Variants in ZBTB46 observed in about 807,000 individuals in gnomAD.
ZBTB46 encodes the protein zinc finger and BTB domain-containing protein 46.
Under a neutral mutation model 44.1 loss-of-function variants are expected in ZBTB46, and 8 were observed. The observed-to-expected ratio is 0.18, with a 90% CI of 0.11 to 0.33. The LOEUF is 0.33. ZBTB46 is among the 10% of genes least tolerant of loss of function. The pLI is 1.00. For missense variants in ZBTB46, 651 were observed against 847.7 expected, an observed-to-expected ratio of 0.77 and a Z score of 2.88; for synonymous variants, 409 against 382.3, an observed-to-expected ratio of 1.07 and a Z score of -0.81.
At chr20:63,832,919 C>T (rs2092859309), upstream of ZBTB46, among the ~76,000 whole-genome samples, 1 of 151,888 alleles carries the variant, frequency 6.6e-6, no homozygotes. The surrounding 1 kb of genome is among the most constrained non-coding windows in gnomAD (Gnocchi z 5.0). Context: ...ACCCAGAGCC[C>T]AGTTGTACCC....
intron 2 of ZBTB46, among the ~76,000 whole-genome samples, chr20:63,782,205 G>GCCC: frequency 6.6e-6 from 1 of 151,434 alleles, no homozygotes; most frequent in African/African-American, 2.4e-5. Context: ...CAACCCCCGA[G>GCCC]CCGTGGTTTT....
At chr20:63,832,743 C>T (rs2092858500), upstream of ZBTB46, among the ~76,000 whole-genome samples, 1 of 151,796 alleles carries the variant, frequency 6.6e-6, no homozygotes, top group Non-Finnish European at 1.5e-5. The surrounding 1 kb of genome is among the most constrained non-coding windows in gnomAD (Gnocchi z 5.0). Context: ...CTCTCGGTGG[C>T]ACTGCCTGCT....
intron 3 of ZBTB46, among the ~76,000 whole-genome samples, chr20:63,753,311 G>A (rs2092188677): frequency 6.6e-6 from 1 of 152,210 alleles, no homozygotes; most frequent in African/African-American, 2.4e-5. Flanking sequence ...GAGTAATACG[G>A]ACCCAAAAGT....
chr20:63,763,028 T>C (rs1313296751), intron 3 of ZBTB46, among the ~76,000 whole-genome samples: 2 of 152,110 alleles, frequency 1.3e-5, no homozygotes, highest in African/African-American at 2.4e-5. Flanking sequence ...ACCCAGCTAA[T>C]TATTTAATTC....
chr20:63,794,855 C>T (rs1278387581), intron 1 of ZBTB46, among the ~76,000 whole-genome samples: 1 of 149,200 alleles, frequency 6.7e-6, no homozygotes, highest in Non-Finnish European at 1.5e-5. Flanking sequence ...GCTGCATCCA[C>T]AGGACACACA....
chr20:63,796,862 A>C (rs2092607918), intron 1 of ZBTB46, among the ~76,000 whole-genome samples: 1 of 151,672 alleles, frequency 6.6e-6, no homozygotes, highest in Non-Finnish European at 1.5e-5. Context: ...AATAAAATAA[A>C]ATTTTGCTTA....
intron 1 of ZBTB46, among the ~76,000 whole-genome samples, chr20:63,811,127 C>T (rs1253915244): frequency 6.6e-6 from 1 of 152,098 alleles, no homozygotes; most frequent in Non-Finnish European, 1.5e-5. Context: ...CCCCACCCCG[C>T]CCAGCCCACA....
At chr20:63,802,462 T>C (rs1395213361) in intron 1 of ZBTB46, among the ~76,000 whole-genome samples, 1 of 102,214 alleles carries the variant, frequency 9.8e-6, no homozygotes, top group Non-Finnish European at 1.9e-5. Context: ...TAATCCAGTA[T>C]GATAAGTACC....
At chr20:63,774,128 A>G (rs975005454) in intron 3 of ZBTB46, among the ~76,000 whole-genome samples, 2 of 120,924 alleles carry the variant, frequency 1.7e-5, no homozygotes, top group East Asian at 5.4e-4. Flanking sequence ...CCCAGCACCC[A>G]CAGCTTGTCC....
chr20:63,794,214 T>C (rs2092583654), intron 1 of ZBTB46, among the ~76,000 whole-genome samples: 2 of 150,498 alleles, frequency 1.3e-5, no homozygotes, highest in Admixed American at 1.3e-4. Flanking sequence ...AAGTTATCTA[T>C]CCACTAAAAG....
chr20:63,768,612 A>G (rs74569601), intron 3 of ZBTB46, among the ~76,000 whole-genome samples: 1 of 145,400 alleles, frequency 6.9e-6, no homozygotes, highest in African/African-American at 2.5e-5. Flanking sequence ...GTCTCAAAAG[A>G]AAAAAAAAAA....
At chr20:63,776,841 T>A (rs1210650286) in intron 2 of ZBTB46, among the ~76,000 whole-genome samples, 15 of 149,450 alleles carry the variant, frequency 1.0e-4, no homozygotes, top group African/African-American at 3.7e-4. Context: ...TATCTGATAA[T>A]AAAAAGGCAA....
In ZBTB46 at chr20:63,789,877, G is replaced by A. The variant is rs1302343373; in HGVS notation, c.881C>T (p.Ser294Phe). ...QQVEDDSRAS[S>F]PVPSFLPTSG... The stretch of plus-strand genomic sequence containing the variant: ...CGTCGGCAGGAAGGACGGCACCGGG[G>A]AGCTGGCCCGGCTGTCATCTTCCAC... The change falls in exon 2 of 5, where the codon TCC becomes TTC. Residue 294 changes from serine (S) to phenylalanine (F), a missense_variant. Ser to Phe is a radical substitution (Grantham distance 155). Coordinates refer to ENST00000245663, the MANE Select transcript of ZBTB46 (RefSeq NM_001369741.1). The A allele has an allele frequency of 1.9e-6, 3 of 1,613,608 alleles. No individual in the cohort carries two copies. The highest frequency in any genetic ancestry group is 1.3e-5 in the African/African-American group (1 of 74,952).
At chr20:63,777,189 G>C (rs1018519174) in intron 2 of ZBTB46, among the ~76,000 whole-genome samples, 2 of 152,060 alleles carry the variant, frequency 1.3e-5, no homozygotes, top group Non-Finnish European at 2.9e-5. Context: ...ATATAAAAAG[G>C]CCAGGCACCG....
intron 1 of ZBTB46, among the ~76,000 whole-genome samples, chr20:63,829,208 G>C (rs2092835242): frequency 6.6e-6 from 1 of 152,186 alleles, no homozygotes; most frequent in Non-Finnish European, 1.5e-5. Context: ...AACTGACCTG[G>C]GGGCCCTTAG....
intron 1 of ZBTB46, among the ~76,000 whole-genome samples, chr20:63,821,075 T>G (rs868036843): frequency 1.3e-4 from 20 of 151,848 alleles, no homozygotes; most frequent in African/African-American, 4.8e-4. Context: ...GTATTTTTAG[T>G]AGAGACGGGG....
intron 3 of ZBTB46, among the ~76,000 whole-genome samples, chr20:63,766,248 T>C (rs1207663665): frequency 7.2e-6 from 1 of 139,202 alleles, no homozygotes; most frequent in Non-Finnish European, 1.5e-5. Flanking sequence ...GGAGTTTCGC[T>C]CTCGTTGCCC....
At chr20:63,820,180 GC>G (rs1477800324) in intron 1 of ZBTB46, among the ~76,000 whole-genome samples, 1 of 151,858 alleles carries the variant, frequency 6.6e-6, no homozygotes, top group East Asian at 1.9e-4. Context: ...TGCAAGCTCT[GC>G]CTCCCAGGTT....
intron 3 of ZBTB46, among the ~76,000 whole-genome samples, chr20:63,760,394 GC>G (rs1555838121): frequency 2.0e-5 from 3 of 151,708 alleles, no homozygotes; most frequent in Non-Finnish European, 4.4e-5. Flanking sequence ...AAATATATTC[GC>G]ATAAAGTTGT....
Sources: gnomAD v4.1 joint callset for allele counts (sites outside exome capture counted in the v4.1 genomes callset) on GRCh38, gnomAD v4.1.1 for gene constraint, Gnocchi (gnomAD v3.1) non-coding constraint, MANE v1.5 for transcripts, NCBI Gene and HGNC (gene_info 2026-07-23, HGNC 2026-07-21) for gene names.